MAGI2: variants seen among roughly 807,000 people sequenced by gnomAD.
The protein encoded by MAGI2 is membrane associated guanylate kinase, WW and PDZ domain containing 2.
MAGI2 carries 35 observed loss-of-function variants against 133.3 expected under a neutral mutation model. The ratio of observed to expected loss-of-function variants is 0.26; its 90% CI spans 0.20 to 0.35. The LOEUF is 0.35. MAGI2 is among the 10% of genes least tolerant of loss of function. The probability of loss-of-function intolerance (pLI) is 1.00; values close to 1 mark genes in which losing one functional copy is unlikely to be tolerated. For missense variants in MAGI2, 1,636 were observed against 1,863.4 expected, an observed-to-expected ratio of 0.88 and a Z score of 2.25; for synonymous variants, 729 against 710.6, an observed-to-expected ratio of 1.03 and a Z score of -0.41.
rs1167882597 is a variant in MAGI2 at position 79,453,281 on chromosome 7, T to C, written c.40A>G (p.Lys14Glu). The change falls in exon 1 of 22, where the codon AAA becomes GAA. Residue 14 changes from lysine (K) to glutamate (E), a missense_variant. Physicochemically the swap from Lys to Glu is moderately conservative, Grantham distance 56. This residue lies in a region of MAGI2 where 148 missense variants were observed against 239.0 expected (regional missense o/e 0.62). Transcript: ENST00000354212. ...SLKKKSHWTS[K>E]VHESVIGRNP... ...CTGCCAATGACACTCTCATGGACTT[T>C]GCTAGTCCAGTGGCTTTTCTTTTTC... The C allele has an allele frequency of 6.2e-7, 1 of 1,613,650 alleles. No homozygotes were observed. The highest frequency in any genetic ancestry group is 1.3e-5 in the African/African-American group (1 of 74,928).
intron 1 of MAGI2, among the ~76,000 whole-genome samples, chr7:79,304,203 C>CCTGTGTGTGTG (rs1402358506): frequency 7.4e-6 from 1 of 135,426 alleles, no homozygotes; most frequent in Non-Finnish European, 1.6e-5. Context: ...GTGTGTGTGT[C>CCTGTGTGTGTG]TGTGTGTGTG....
At chr7:78,890,709 C>A (rs1263678400) in intron 2 of MAGI2, among the ~76,000 whole-genome samples, 14 of 152,160 alleles carry the variant, frequency 9.2e-5, no homozygotes, top group African/African-American at 2.2e-4. Context: ...ACCAGAATCT[C>A]TGGGACACAT....
chr7:78,954,600 C>T (rs1236038535), intron 2 of MAGI2, among the ~76,000 whole-genome samples: 2 of 152,076 alleles, frequency 1.3e-5, no homozygotes, highest in Non-Finnish European at 2.9e-5. Flanking sequence ...CTTTGTGATG[C>T]CTCCTTCCCC....
rs187627477 is a variant in MAGI2, at chr7:78,569,446, A to T, written c.539-47801T>A. On this transcript the variant is annotated intron_variant, in intron 3 of 21. Transcript: ENST00000354212. ...ACGCTAAACACCCCACACTAATGGC[A>T]AGCCATCTCTAGCTTCAAAATGCAC... Among the ~76,000 whole-genome samples the T allele has an allele frequency of 2.8e-3, 419 of 152,312 alleles. 2 individuals are homozygous for T. The highest frequency in any genetic ancestry group is 9.2e-3 in the African/African-American group (382 of 41,562).
chr7:78,520,974 T>G (rs1208089466), intron 4 of MAGI2, among the ~76,000 whole-genome samples: 1 of 152,124 alleles, frequency 6.6e-6, no homozygotes, highest in African/African-American at 2.4e-5. Flanking sequence ...GTAAACTAAA[T>G]CACATGACAT....
intron 9 of MAGI2, among the ~76,000 whole-genome samples, chr7:78,299,186 C>G (rs181349597): frequency 2.0e-5 from 3 of 152,118 alleles, no homozygotes; most frequent in Non-Finnish European, 4.4e-5. Context: ...AGTAAAATAA[C>G]GTATGGCAAA....
intron 13 of MAGI2, among the ~76,000 whole-genome samples, chr7:78,182,519 G>A (rs1827281709): frequency 2.0e-5 from 3 of 152,120 alleles, no homozygotes; most frequent in Non-Finnish European, 2.9e-5. Context: ...TCCTAAATAT[G>A]ACTTTGCTCC....
intron 3 of MAGI2, among the ~76,000 whole-genome samples, chr7:78,583,691 G>T (rs1223708952): frequency 6.6e-6 from 1 of 152,046 alleles, no homozygotes; most frequent in African/African-American, 2.4e-5. Context: ...AGCCAAAATG[G>T]GTGACAGTAA....
chr7:78,070,518 A>G (rs1585009511), intron 21 of MAGI2, among the ~76,000 whole-genome samples: 1 of 139,406 alleles, frequency 7.2e-6, no homozygotes, highest in African/African-American at 2.7e-5. Flanking sequence ...ATATGTGTGT[A>G]TATATGTATA....
intron 2 of MAGI2, among the ~76,000 whole-genome samples, chr7:78,723,885 C>G (rs527785686): frequency 6.6e-6 from 1 of 152,090 alleles, no homozygotes; most frequent in African/African-American, 2.4e-5. Context: ...GCTGGGGAGG[C>G]AAAACAGAAC....
At chr7:79,057,624 C>T (rs1165447297) in intron 1 of MAGI2, among the ~76,000 whole-genome samples, 1 of 152,140 alleles carries the variant, frequency 6.6e-6, no homozygotes. Context: ...CCTCTTTTAA[C>T]TTTTATTCAT....
intron 1 of MAGI2, among the ~76,000 whole-genome samples, chr7:79,015,435 C>T (rs552612226): frequency 2.6e-5 from 4 of 152,190 alleles, no homozygotes; most frequent in South Asian, 2.1e-4. Flanking sequence ...AAAAGTATCA[C>T]GACACAGAAC....
chr7:78,947,279 C>T (rs1801497862), intron 2 of MAGI2, among the ~76,000 whole-genome samples: 1 of 152,068 alleles, frequency 6.6e-6, no homozygotes, highest in Admixed American at 6.6e-5. Flanking sequence ...TCCCTCCTCC[C>T]CTCACCTCAC....
intron 9 of MAGI2, among the ~76,000 whole-genome samples, chr7:78,276,151 T>G (rs1193220255): frequency 6.6e-6 from 1 of 152,188 alleles, no homozygotes; most frequent in African/African-American, 2.4e-5. Flanking sequence ...TCATAAATAT[T>G]TATTGCTACA....
chr7:78,376,126 G>A (rs961993463), intron 6 of MAGI2, among the ~76,000 whole-genome samples: 1 of 151,992 alleles, frequency 6.6e-6, no homozygotes, highest in African/African-American at 2.4e-5. Context: ...AAAGCTGGGG[G>A]TGTAACTTTT....
intron 4 of MAGI2, among the ~76,000 whole-genome samples, chr7:78,515,389 T>C (rs900750655): frequency 2.6e-5 from 4 of 152,164 alleles, no homozygotes; most frequent in Non-Finnish European, 5.9e-5. Flanking sequence ...TGAAGGAATA[T>C]AGGATCAGGG....
intron 1 of MAGI2, among the ~76,000 whole-genome samples, chr7:79,163,584 G>A (rs1482696594): frequency 1.3e-5 from 2 of 152,148 alleles, no homozygotes; most frequent in South Asian, 2.1e-4. Context: ...GATTAAATTT[G>A]TTGAATTCTG....
chr7:78,892,818 G>A (rs890115948), intron 2 of MAGI2, among the ~76,000 whole-genome samples: 2 of 151,984 alleles, frequency 1.3e-5, no homozygotes, highest in African/African-American at 2.4e-5. Flanking sequence ...CATAGGCATG[G>A]GCAAGGACTT....
At chr7:78,393,197 G>A (rs1796056300) in intron 6 of MAGI2, among the ~76,000 whole-genome samples, 1 of 152,154 alleles carries the variant, frequency 6.6e-6, no homozygotes, top group African/African-American at 2.4e-5. Flanking sequence ...CTCACCTACG[G>A]AAGTTGAAAA....
Sources: gnomAD v4.1 joint callset for allele counts (sites outside exome capture counted in the v4.1 genomes callset) on GRCh38, gnomAD v4.1.1 for gene constraint, gnomAD v4.1.1 regional missense constraint, MANE v1.5 for transcripts, NCBI Gene and HGNC (gene_info 2026-07-23, HGNC 2026-07-21) for gene names.